The following MBTPS1 variants were observed in gnomAD, a reference collection of about 807,000 sequenced individuals.
MBTPS1 encodes the protein membrane-bound transcription factor site-1 protease.
MBTPS1 carries 94 observed loss-of-function variants against 127.8 expected under a neutral mutation model. The observed-to-expected ratio is 0.74, with a 90% CI of 0.62 to 0.87. The LOEUF is 0.87. Among genes scored for constraint, MBTPS1 ranks in the 40% least tolerant of loss-of-function variants. The probability of loss-of-function intolerance (pLI) is 0.00; values close to 1 mark genes in which losing one functional copy is unlikely to be tolerated. For synonymous variants in MBTPS1, 632 were observed against 509.4 expected (o/e 1.24, Z -3.24); for missense variants, 1,636 against 1,353.2 (o/e 1.21, Z -3.28).
chr16:84,071,481 C>T (rs560929156), intron 12 of MBTPS1, among the ~76,000 whole-genome samples: 5 of 152,300 alleles, frequency 3.3e-5, no homozygotes, highest in South Asian at 2.1e-4. Context: ...CTGTAGGATA[C>T]GGTGTCCCAA....
Position 84,063,416 on chromosome 16 carries a change from C to T in MBTPS1, c.2461G>A (p.Val821Ile). ...GLEVLKQETA[V>I]VENVPILGLY... The stretch of plus-strand genomic sequence containing the variant: ...CCCAAAATGGGGACGTTTTCAACAA[C>T]TGCTGTTTCCTGCTTTAAAACCTCC... The change falls in exon 19 of 23, where the codon GTT becomes ATT. Residue 821 changes from valine to isoleucine, a missense_variant. Physicochemically the swap from Val to Ile is conservative, Grantham distance 29. Transcript: ENST00000343411. 6.2e-7 allele frequency: 1 copy of T among 1,614,148 alleles called. No individual in the cohort carries two copies. The highest frequency in any genetic ancestry group is 8.5e-7 in the Non-Finnish European group (1 of 1,180,002).
At chr16:84,058,777 A>C (rs4782583) in intron 21 of MBTPS1, among the ~76,000 whole-genome samples, 106,308 of 152,104 alleles carry the variant, frequency 0.7, 37,340 homozygotes, top group East Asian at 0.87. Flanking sequence ...CGGCACTGCA[A>C]ACAGGAGTGT....
chr16:84,085,170 A>G, intron 9 of MBTPS1, 36 bp from the exon 10 acceptor site: 1 of 1,604,890 alleles, frequency 6.2e-7, no homozygotes, highest in South Asian at 1.1e-5. Flanking sequence ...TACATCTCGC[A>G]CATTGGCATA....
rs139013412 is a variant in MBTPS1, at chr16:84,068,406, C to G, written c.2004G>C (p.Leu668=). ...HTNFRDMYQH[L]RSMGYFVEVL... ...CCTCTACAAAGTAGCCCATGCTTCT[C>G]AGATGCTGGTACATATCCCTGAAAT... The change falls in exon 15 of 23, where the codon CTG becomes CTC. Residue 668 remains leucine (L), a synonymous_variant. Transcript: ENST00000343411. 1.6e-5 allele frequency: 26 copies of G among 1,614,124 alleles called. No homozygotes were observed. Among genetic ancestry groups the G allele is most frequent in the Middle Eastern group, 1.6e-4 (1 of 6,082 alleles).
In MBTPS1 at chr16:84,079,845, G is replaced by A. The variant is rs11860255; in HGVS notation, c.1448+1902C>T. On this transcript the variant is annotated intron_variant, in intron 11 of 22. Coordinates refer to ENST00000343411, the MANE Select transcript of MBTPS1 (RefSeq NM_003791.4). ...CAGATAGGCAGATACAGAAGCAGTC[G>A]TATGTGTCTGTGCACGTGTCCACAC... Among the ~76,000 whole-genome samples, 598 of 152,360 alleles carry A rather than the reference G, an allele frequency of 3.9e-3. 3 individuals carry two copies. The highest frequency in any genetic ancestry group is 0.014 in the African/African-American group (565 of 41,582).
At chr16:84,088,662 C>A (rs2086063157) in intron 8 of MBTPS1, among the ~76,000 whole-genome samples, 1 of 152,194 alleles carries the variant, frequency 6.6e-6, no homozygotes, top group South Asian at 2.1e-4. Context: ...GCTGGCACCA[C>A]AGAGTCTAGG....
chr16:84,061,918 G>A (rs2085619808), intron 19 of MBTPS1, among the ~76,000 whole-genome samples: 2 of 152,044 alleles, frequency 1.3e-5, no homozygotes, highest in African/African-American at 4.8e-5. Flanking sequence ...TCTCATTAAA[G>A]GGCACTTCTG....
intron 1 of MBTPS1, among the ~76,000 whole-genome samples, chr16:84,106,038 T>G (rs2086319126): frequency 6.6e-6 from 1 of 152,186 alleles, no homozygotes; most frequent in Non-Finnish European, 1.5e-5. Context: ...GTCACACCTG[T>G]AATCTCAGCA....
intron 10 of MBTPS1, among the ~76,000 whole-genome samples, chr16:84,083,124 G>C (rs2085965761): frequency 1.3e-5 from 2 of 152,224 alleles, no homozygotes; most frequent in African/African-American, 4.8e-5. Context: ...CTCACTTCCT[G>C]CTAACAATCA....
intron 20 of MBTPS1, chr16:84,060,431 C>A: frequency 2.4e-6 from 1 of 422,938 alleles, no homozygotes; most frequent in South Asian, 3.3e-5. Flanking sequence ...CTCAGAGTGG[C>A]GTGAGGGTCG....
chr16:84,094,714 AAATT>A (rs1473788192), intron 4 of MBTPS1, among the ~76,000 whole-genome samples: 4 of 152,338 alleles, frequency 2.6e-5, no homozygotes, highest in Admixed American at 2.0e-4. Flanking sequence ...GGGGAATAAA[AAATT>A]ATTTCTCATG....
At position 84,093,285 on chromosome 16, in the gene MBTPS1, C is replaced by T; in HGVS notation, c.749G>A (p.Gly250Asp). The T allele has an allele frequency of 6.2e-7, 1 of 1,611,612 alleles. No individual in the cohort carries two copies. The highest frequency in any genetic ancestry group is 8.5e-7 in the Non-Finnish European group (1 of 1,177,662). The change falls in exon 6 of 23, where the codon GGC becomes GAC. Residue 250 changes from glycine (G) to aspartate (D), a missense_variant. By Grantham distance (94) the Gly-to-Asp change is moderately conservative (BLOSUM62 -1). Transcript: ENST00000343411. The stretch of plus-strand genomic sequence containing the variant: ...GGCTATCACACCTGCCACGAATGTG[C>T]CATGGCCCAACCCTGCAGTCCATAA... ...ERTLDDGLGHGTFVAGVIASM... is the reference protein window; with the variant it reads ...ERTLDDGLGHDTFVAGVIASM...
In MBTPS1 at chr16:84,070,604, G is replaced by C; in HGVS notation, c.1766C>G (p.Ser589Cys). ...AQGHVMITVA[S>C]PAETESKNGA... ...TATCCCTACCTCTGTCTCTGCTGGG[G>C]AAGCCACAGTGATCATGACATGGCC... Residue 589 changes from serine (S) to cysteine (C), a missense_variant, in exon 13 of 23, where the codon TCC becomes TGC. Transcript: ENST00000343411. The C allele has an allele frequency of 6.2e-7, 1 of 1,612,222 alleles. No individual in the cohort carries two copies. The highest frequency in any genetic ancestry group is 8.5e-7 in the Non-Finnish European group (1 of 1,179,732).
chr16:84,068,551 A>G, intron 14 of MBTPS1, 97 bp from the exon 15 acceptor site: 3 of 823,780 alleles, frequency 3.6e-6, no homozygotes, highest in Non-Finnish European at 6.1e-6. Context: ...GCACCATGCC[A>G]TGGCCCACAG....
At chr16:84,068,195 G>GC (rs2085716859) in intron 15 of MBTPS1, 144 bp downstream of exon 15, 2 of 642,908 alleles carry the variant, frequency 3.1e-6, no homozygotes, top group Non-Finnish European at 5.5e-6. Flanking sequence ...TCAGAGCCTC[G>GC]CCCCAGGCTC....
rs751240362 is a variant in MBTPS1 at position 84,091,701 on chromosome 16, C to T, written c.963+31G>A. On this transcript the variant is annotated intron_variant, in intron 7 of 22. Transcript: ENST00000343411. ...GGCTGCGAAAGAGCAGGAGCTGTCA[C>T]CCAAACCCCGTGTGCAGTGACTCCA... The T allele has an allele frequency of 3.3e-6, 5 of 1,504,266 alleles. No homozygotes were observed. In the African/African-American group the frequency reaches 5.5e-5, roughly 17 times the overall value. 93.2% of individuals were successfully genotyped at this position (1,504,266 alleles called of 1,614,324 possible).
At chr16:84,105,676 G>T (rs75570232) in intron 1 of MBTPS1, among the ~76,000 whole-genome samples, 1 of 152,136 alleles carries the variant, frequency 6.6e-6, no homozygotes, top group Non-Finnish European at 1.5e-5. Flanking sequence ...TGAAAGACGA[G>T]GGGGGAAGAG....
At chr16:84,065,860 A>C (rs2151144666) in intron 17 of MBTPS1, 93 bp from the exon 18 acceptor site, 1 of 674,850 alleles carries the variant, frequency 1.5e-6, no homozygotes, top group African/African-American at 1.9e-5. Flanking sequence ...CATTCTTCAG[A>C]TGCTATGTAT....
rs770241979 is a variant in MBTPS1 at position 84,060,773 on chromosome 16, C to A, written c.2613G>T (p.Ser871=). ...WLLDALLQYT[S]YGVTPPSLSH... ...TGAGGCTAGGCGGTGTCACCCCATACGATGTGTACTGGAGGAGGGCATCCA... is the reference window on the plus strand; with the variant it reads ...TGAGGCTAGGCGGTGTCACCCCATAAGATGTGTACTGGAGGAGGGCATCCA... The change falls in exon 20 of 23, where the codon TCG becomes TCT. Residue 871 remains serine (S), a synonymous_variant. Transcript: ENST00000343411. 5.0e-6 allele frequency: 8 copies of A among 1,604,312 alleles called. No homozygotes were observed. Among genetic ancestry groups the A allele is most frequent in the Non-Finnish European group, 5.1e-6 (6 of 1,175,420 alleles).
Sources: allele counts gnomAD v4.1 joint callset (sites outside exome capture counted in the v4.1 genomes callset), GRCh38; gene constraint gnomAD v4.1.1; transcripts MANE v1.5; gene names NCBI Gene and HGNC (gene_info 2026-07-23, HGNC 2026-07-21).